SLIT3: variants seen among roughly 807,000 people sequenced by gnomAD.
The protein encoded by SLIT3 is slit guidance ligand 3, also known as slit homolog 3 protein.
SLIT3 carries 68 observed loss-of-function variants against 184.0 expected under a neutral mutation model. That is an observed-to-expected ratio of 0.37 (90% confidence interval 0.30 to 0.45). SLIT3 has a LOEUF of 0.45. Among genes scored for constraint, SLIT3 ranks in the 20% least tolerant of loss-of-function variants. SLIT3 has a pLI of 1.00. For synonymous variants in SLIT3, 831 were observed against 828.6 expected, an observed-to-expected ratio of 1.00 and a Z score of -0.05; for missense variants, 1,707 against 2,026.0, an observed-to-expected ratio of 0.84 and a Z score of 3.02.
rs148625020 is a variant in SLIT3 at position 168,685,756 on chromosome 5, G to A, written c.3486C>T (p.Phe1162=). The A allele has an allele frequency of 2.4e-5, 38 of 1,606,848 alleles. No homozygotes were observed. The African/African-American group carries it at 2.7e-4, about 11-fold the overall frequency. ...GTTCCACGTAGGAGTCTTTGCCCACGAAGTTGACAGTGATGAGCTTCTCGC... is the reference window on the plus strand; with the variant it reads ...GTTCCACGTAGGAGTCTTTGCCCACAAAGTTGACAGTGATGAGCTTCTCGC... ...PRCEKLITVN[F]VGKDSYVELA... The change falls in exon 31 of 36, where the codon TTC becomes TTT. Residue 1162 remains phenylalanine (F), a synonymous_variant. Transcript: ENST00000519560.
chr5:168,808,859 C>T (rs368280006), intron 8 of SLIT3, among the ~76,000 whole-genome samples: 9 of 152,134 alleles, frequency 5.9e-5, no homozygotes, highest in East Asian at 3.9e-4. Flanking sequence ...GTACAGATGG[C>T]GTTCCCTAAA....
At chr5:169,230,426 A>C (rs1013751712) in intron 3 of SLIT3, among the ~76,000 whole-genome samples, 20 of 152,352 alleles carry the variant, frequency 1.3e-4, no homozygotes, top group Non-Finnish European at 2.5e-4. Flanking sequence ...TAGGAGCAAA[A>C]TAACTCTTGC....
intron 10 of SLIT3, chr5:168,790,767 T>C (rs773239735): frequency 6.6e-6 from 1 of 152,192 alleles, no homozygotes; most frequent in Non-Finnish European, 1.5e-5. Context: ...TCTTAAGCAA[T>C]TGACTCCAGC....
At chr5:169,000,338 G>A (rs1208029286) in intron 4 of SLIT3, among the ~76,000 whole-genome samples, 1 of 135,540 alleles carries the variant, frequency 7.4e-6, no homozygotes, top group Admixed American at 8.4e-5. Flanking sequence ...GTTGCAGTGA[G>A]CTGAGATCAC....
rs1173635469 is a variant in SLIT3 at position 169,224,929 on chromosome 5, C to T, written c.341+19776G>A. ...AAGCTCCTGGCCTCAAGTGATCCGC[C>T]CATCTTGGCCTCCCGAAGTGCTGGG... On this transcript the variant is annotated intron_variant, in intron 3 of 35. Coordinates refer to ENST00000519560, the MANE Select transcript of SLIT3 (RefSeq NM_003062.4). Among the ~76,000 whole-genome samples the T allele has an allele frequency of 6.6e-5, 10 of 152,274 alleles. No homozygotes were observed. The South Asian group carries it at 2.1e-3, about 32-fold the overall frequency.
At chr5:169,214,818 A>C (rs1764384012) in intron 3 of SLIT3, among the ~76,000 whole-genome samples, 1 of 152,162 alleles carries the variant, frequency 6.6e-6, no homozygotes, top group Admixed American at 6.5e-5. Flanking sequence ...GCAAGGGCTC[A>C]TGCTTCCCTC....
chr5:168,804,280 A>C (rs1326830876), intron 9 of SLIT3, among the ~76,000 whole-genome samples: 1 of 124,018 alleles, frequency 8.1e-6, no homozygotes, highest in Non-Finnish European at 1.6e-5. Flanking sequence ...ATTGTACTCC[A>C]GCCTGGGTGA....
chr5:168,668,991 T>A (rs1224444751), intron 35 of SLIT3, among the ~76,000 whole-genome samples: 1 of 152,202 alleles, frequency 6.6e-6, no homozygotes. Flanking sequence ...ATAGTCAAGG[T>A]CATGCAGATT....
chr5:169,122,259 G>C lies in SLIT3; in HGVS notation c.413+71220C>G, dbSNP rs991082970. ...TTAGACTATACAAGCCAAGGTCTCA[G>C]ACCACACTCTCGAGAGGAGAACCAA... is the stretch of plus-strand genomic sequence containing the variant. On this transcript the variant is annotated intron_variant, in intron 4 of 35. Transcript: ENST00000519560. 3.3e-5 allele frequency among the ~76,000 whole-genome samples: 5 copies of C among 152,176 alleles called. No individual in the cohort carries two copies. In the East Asian group the frequency reaches 5.8e-4, roughly 18 times the overall value.
chr5:169,016,139 T>C (rs1374874176), intron 4 of SLIT3, among the ~76,000 whole-genome samples: 1 of 152,202 alleles, frequency 6.6e-6, no homozygotes, highest in Non-Finnish European at 1.5e-5. Context: ...TCACAAAGTT[T>C]TGAGTAGCTA....
At chr5:169,214,545 T>A (rs1764373982) in intron 3 of SLIT3, among the ~76,000 whole-genome samples, 2 of 152,036 alleles carry the variant, frequency 1.3e-5, no homozygotes, top group Admixed American at 1.3e-4. Context: ...GTGCGGCAAA[T>A]CCGTGTGTGA....
chr5:169,189,572 A>AG (rs1763478437), intron 4 of SLIT3, among the ~76,000 whole-genome samples: 1 of 90,572 alleles, frequency 1.1e-5, no homozygotes, highest in Non-Finnish European at 2.3e-5. Flanking sequence ...ATATATATAT[A>AG]TATATATGCA....
Position 169,300,423 on chromosome 5 carries a change from G to A in SLIT3, c.197+90C>T. On this transcript the variant is annotated intron_variant, in intron 1 of 35. Transcript: ENST00000519560. This position sits in a 1 kb window ranked among gnomAD's most constrained non-coding sequence, Gnocchi z 4.1. Reference sequence around the variant, plus strand: ...TGAGAATAGAGACTGCATCCAGGGAGGCCGAGGGGAAAGGACGGATCTGGC... The same window carrying A: ...TGAGAATAGAGACTGCATCCAGGGAAGCCGAGGGGAAAGGACGGATCTGGC... 1 of 1,359,284 alleles carries A rather than the reference G, an allele frequency of 7.4e-7. No homozygotes were observed. The highest frequency in any genetic ancestry group is 1.7e-5 in the South Asian group (1 of 59,500). 84.2% of individuals were successfully genotyped at this position (1,359,284 alleles called of 1,614,324 possible).
intron 5 of SLIT3, among the ~76,000 whole-genome samples, chr5:168,855,836 AT>A (rs1172565472): frequency 2.6e-5 from 4 of 152,024 alleles, no homozygotes; most frequent in Non-Finnish European, 4.4e-5. Context: ...CTAAACTGAC[AT>A]TTTTTCCCCC....
At chr5:168,907,482 T>C (rs1761089175) in intron 4 of SLIT3, among the ~76,000 whole-genome samples, 1 of 152,238 alleles carries the variant, frequency 6.6e-6, no homozygotes, top group Non-Finnish European at 1.5e-5. Flanking sequence ...AGGTAGTGTG[T>C]GACCATGTTA....
intron 4 of SLIT3, among the ~76,000 whole-genome samples, chr5:169,189,804 A>G (rs12658381): frequency 0.031 from 4,758 of 152,106 alleles, 388 homozygotes; most frequent in East Asian, 0.3. Context: ...AACAGTACTA[A>G]CCATAGTACC....
At chr5:169,036,611 A>G (rs1464882465) in intron 4 of SLIT3, 1 of 152,208 alleles carries the variant, frequency 6.6e-6, no homozygotes, top group Non-Finnish European at 1.5e-5. Context: ...GATTAGAGAC[A>G]CGATGGGCTG....
intron 14 of SLIT3, among the ~76,000 whole-genome samples, chr5:168,766,054 C>A (rs1369985035): frequency 6.6e-6 from 1 of 152,188 alleles, no homozygotes; most frequent in East Asian, 1.9e-4. Context: ...GGTAGGGAGC[C>A]AAGCTCCCAT....
At chr5:169,243,395 TTAAAAA>T (rs1309989211) in intron 3 of SLIT3, among the ~76,000 whole-genome samples, 1 of 152,222 alleles carries the variant, frequency 6.6e-6, no homozygotes, top group East Asian at 1.9e-4. Flanking sequence ...GTTAAGAAAC[TTAAAAA>T]TAAACGTGTA....
Sources: gnomAD v4.1 joint callset for allele counts (sites outside exome capture counted in the v4.1 genomes callset) on GRCh38, gnomAD v4.1.1 for gene constraint, Gnocchi (gnomAD v3.1) non-coding constraint, MANE v1.5 for transcripts, NCBI Gene and HGNC (gene_info 2026-07-23, HGNC 2026-07-21) for gene names.